The following PPIP5K2 variants were observed in gnomAD, a reference collection of about 807,000 sequenced individuals.
PPIP5K2 encodes inositol hexakisphosphate and diphosphoinositol-pentakisphosphate kinase 2.
In PPIP5K2, 105 loss-of-function variants were observed where a neutral mutation model predicts 154.6. The observed-to-expected ratio is 0.68, with a 90% confidence interval of 0.58 to 0.80. The LOEUF is 0.80. Ranked by LOEUF, PPIP5K2 falls within the 30% of genes least tolerant of loss-of-function variation. PPIP5K2 has a pLI of 0.00. For missense variants in PPIP5K2, 992 were observed against 1,504.6 expected (o/e 0.66, Z 5.64); for synonymous variants, 480 against 490.3 (o/e 0.98, Z 0.28).
chr5:103,188,396 T>C lies in PPIP5K2; in HGVS notation c.3352+1020T>C, dbSNP rs538845404. ...ATGAAGCTAAAGGATTCAACACAAG[T>C]TTATGGTCATTCTCCCCCTTCTGGA... is the stretch of plus-strand genomic sequence containing the variant. On this transcript the variant is annotated intron_variant, in intron 28 of 30. Transcript: ENST00000358359. 5.3e-5 allele frequency among the ~76,000 whole-genome samples: 8 copies of C among 152,194 alleles called. No individual in the cohort carries two copies. In the South Asian group the frequency reaches 1.7e-3, roughly 32 times the overall value.
intron 5 of PPIP5K2, among the ~76,000 whole-genome samples, chr5:103,140,836 CAAAAAA>C (rs34150862): frequency 1.5e-4 from 13 of 88,168 alleles, no homozygotes; most frequent in African/African-American, 5.0e-4. Context: ...GACTCCGTCT[CAAAAAA>C]AAAAAAAAAA....
At chr5:103,127,994 G>C (rs531798217) in intron 1 of PPIP5K2, among the ~76,000 whole-genome samples, 2 of 151,762 alleles carry the variant, frequency 1.3e-5, no homozygotes, top group South Asian at 4.2e-4. Context: ...CAGAGGAATA[G>C]AACAAAAGGC....
At chr5:103,121,105 TC>T (rs1243878346) in intron 1 of PPIP5K2, among the ~76,000 whole-genome samples, 4 of 152,026 alleles carry the variant, frequency 2.6e-5, no homozygotes, top group Non-Finnish European at 5.9e-5. Flanking sequence ...ACTCTTGGTG[TC>T]CTTTGGCTAG....
chr5:103,183,341 C>A lies in PPIP5K2; in HGVS notation c.3030C>A (p.Ile1010=). ...GAAGACGCAGATCAGGGGAACAAAT[C>A]ACTTCTTCCCCTGTCTCCCCCAAAT... The part of the protein sequence containing the change: ...GRRRRRSGEQ[I]TSSPVSPKSL... Residue 1010 remains isoleucine (I), a synonymous_variant, in exon 25 of 31, where the codon ATC becomes ATA. Coordinates refer to ENST00000358359, the MANE Select transcript of PPIP5K2 (RefSeq NM_001276277.3). 5 of 1,610,318 alleles carry A rather than the reference C, an allele frequency of 3.1e-6. No homozygotes were observed. The highest frequency in any genetic ancestry group is 4.2e-6 in the Non-Finnish European group (5 of 1,178,682).
At position 103,210,936 on chromosome 5, in the gene PPIP5K2, G is replaced by T. The variant is rs1024519139; in HGVS notation, c.*9302G>T. 2.0e-5 allele frequency: 3 copies of T among 152,070 alleles called. No homozygotes were observed. The highest frequency in any genetic ancestry group is 2.0e-4 in the Admixed American group (3 of 15,254). The allele number at this position is 152,070 out of a possible 1,614,324, so 9.4% of individuals were successfully genotyped here. A position where few individuals can be genotyped will look rare whatever the true frequency, so the allele number is the denominator to read the frequency against. ...ATACAGTTATGGAAATATTTCTGCT[G>T]CAAGAAAAGAATTACATACAACTAG... On this transcript the variant is annotated 3_prime_UTR_variant, in exon 31 of 31. Transcript: ENST00000358359.
intron 5 of PPIP5K2, among the ~76,000 whole-genome samples, chr5:103,143,597 C>G (rs978811067): frequency 2.6e-5 from 4 of 152,126 alleles, no homozygotes; most frequent in African/African-American, 4.8e-5. Flanking sequence ...TCAGTAATAA[C>G]GTGAATGCAA....
chr5:103,129,731 GAGA>G (rs1321807304), intron 2 of PPIP5K2, 28 bp downstream of exon 2: 1 of 1,580,912 alleles, frequency 6.3e-7, no homozygotes, highest in Non-Finnish European at 8.6e-7. Context: ...CCTTTGGCGA[GAGA>G]AGACCAATAC....
chr5:103,140,816 G>A (rs1331244221), intron 5 of PPIP5K2, among the ~76,000 whole-genome samples: 2 of 134,496 alleles, frequency 1.5e-5, no homozygotes, highest in African/African-American at 2.8e-5. Context: ...CCGCCTGGGC[G>A]ACAGAACGAG....
intron 30 of PPIP5K2, among the ~76,000 whole-genome samples, chr5:103,201,176 A>G (rs1398741196): frequency 3.3e-5 from 5 of 152,220 alleles, no homozygotes; most frequent in African/African-American, 1.2e-4. Context: ...AGTTGTATAT[A>G]CATATCTTGA....
intron 1 of PPIP5K2, among the ~76,000 whole-genome samples, chr5:103,128,139 C>T (rs1554201383): frequency 6.6e-6 from 1 of 151,928 alleles, no homozygotes; most frequent in African/African-American, 2.4e-5. Context: ...TGGGGAGTCA[C>T]CAAGTTATAC....
At chr5:103,147,465 C>T (rs1421045383) in intron 6 of PPIP5K2, among the ~76,000 whole-genome samples, 1 of 151,972 alleles carries the variant, frequency 6.6e-6, no homozygotes. Context: ...TATTAATGAG[C>T]AGTTCCACTT....
At chr5:103,156,453 T>G (rs1455243426) in intron 14 of PPIP5K2, among the ~76,000 whole-genome samples, 7 of 152,134 alleles carry the variant, frequency 4.6e-5, no homozygotes, top group African/African-American at 1.7e-4. Flanking sequence ...ACAAGTTTGG[T>G]CTCCTAAGAG....
intron 1 of PPIP5K2, among the ~76,000 whole-genome samples, chr5:103,128,773 C>T (rs1319669115): frequency 5.3e-5 from 8 of 151,974 alleles, no homozygotes; most frequent in African/African-American, 1.7e-4. Context: ...AAATCTTGTT[C>T]TGACTCTAAT....
Position 103,186,376 on chromosome 5 carries a change from C to T in PPIP5K2, c.3226C>T (p.Pro1076Ser). The stretch of plus-strand genomic sequence containing the variant: ...GGTGCTCGGGGGTTCTTCAAGCGCA[C>T]CTAACCTACAGGATTATGCTCGTAC... ...TSVLGGSSSAPNLQDYARTHR... is the reference protein window; with the variant it reads ...TSVLGGSSSASNLQDYARTHR... The change falls in exon 27 of 31, where the codon CCT becomes TCT. Residue 1076 changes from proline to serine, a missense_variant. Transcript: ENST00000358359. 6.2e-7 allele frequency: 1 copy of T among 1,613,922 alleles called. No homozygotes were observed.
intron 30 of PPIP5K2, among the ~76,000 whole-genome samples, chr5:103,195,532 A>G (rs2149824866): frequency 1.3e-5 from 2 of 152,322 alleles, no homozygotes; most frequent in Middle Eastern, 6.8e-3. Context: ...CTATGTGACT[A>G]CCAAAATTAA....
intron 30 of PPIP5K2, among the ~76,000 whole-genome samples, chr5:103,199,042 C>G (rs1179149637): frequency 6.6e-6 from 1 of 152,002 alleles, no homozygotes; most frequent in Non-Finnish European, 1.5e-5. Flanking sequence ...ATGTAGAAGC[C>G]TTGCCACTGT....
chr5:103,151,132 C>A, intron 8 of PPIP5K2, 121 bp from the exon 9 acceptor site: 2 of 701,838 alleles, frequency 2.8e-6, no homozygotes, highest in Non-Finnish European at 4.3e-6. Flanking sequence ...ATGAAGTAAA[C>A]CACTATATAG....
At position 103,210,689 on chromosome 5, in the gene PPIP5K2, C is replaced by T. The variant is rs1803759101; in HGVS notation, c.*9055C>T. 1 of 152,038 alleles carries T rather than the reference C, an allele frequency of 6.6e-6. No individual in the cohort carries two copies. Among genetic ancestry groups the T allele is most frequent in the African/African-American group, 2.4e-5 (1 of 41,404 alleles). 9.4% of individuals were successfully genotyped at this position (152,038 alleles called of 1,614,324 possible). A position where few individuals can be genotyped will look rare whatever the true frequency, so the allele number is the denominator to read the frequency against. On this transcript the variant is annotated 3_prime_UTR_variant, in exon 31 of 31. Transcript: ENST00000358359. ...TACCCTAAAAGTTAGTACTGATTCC[C>T]ATTATCATGCTCTGTTGTTCCCTGG...
At chr5:103,152,451 C>T (rs909813757) in intron 9 of PPIP5K2, among the ~76,000 whole-genome samples, 197 bp from the exon 10 acceptor site, 1 of 151,614 alleles carries the variant, frequency 6.6e-6, no homozygotes, top group African/African-American at 2.4e-5. Context: ...TTGTGAAATC[C>T]CATTGATGTG....
Sources: allele counts gnomAD v4.1 joint callset (sites outside exome capture counted in the v4.1 genomes callset), GRCh38; gene constraint gnomAD v4.1.1; transcripts MANE v1.5; gene names NCBI Gene and HGNC (gene_info 2026-07-23, HGNC 2026-07-21).